The following ZNF446 variants were observed in gnomAD, a reference collection of about 807,000 sequenced individuals.
ZNF446 encodes the protein zinc finger protein with KRAB and SCAN domains 20.
Under a neutral mutation model 34.0 loss-of-function variants are expected in ZNF446, and 42 were observed. The ratio of observed to expected loss-of-function variants is 1.23; its 90% CI spans 0.96 to 1.60. ZNF446 has a LOEUF of 1.60. Among genes scored for constraint, ZNF446 ranks in the 40% most tolerant of loss-of-function variants. The pLI, the probability that ZNF446 is intolerant of heterozygous loss-of-function variation, is 0.00. For synonymous variants in ZNF446, 315 were observed against 251.0 expected (o/e 1.25, Z -2.41); for missense variants, 650 against 600.2 (o/e 1.08, Z -0.87).
chr19:58,479,822 C>T (rs1460755210), intron 5 of ZNF446, 95 bp downstream of exon 5: 2 of 1,451,398 alleles, frequency 1.4e-6, no homozygotes, highest in Non-Finnish European at 9.5e-7. Flanking sequence ...GCTACCAGCC[C>T]TACCCAGCTC....
At position 58,478,119 on chromosome 19, in the gene ZNF446, C is replaced by T; in HGVS notation, c.565C>T (p.Pro189Ser). Residue 189 changes from proline to serine, a missense_variant, in exon 4 of 7, where the codon CCT becomes TCT. By Grantham distance (74) the Pro-to-Ser change is moderately conservative. Transcript: ENST00000594369. The part of the protein sequence containing the change: ...PSSPPLAAQS[P>S]EGNHGHQEPA... ...CAGCCCTCCACTTGCAGCACAGTCC[C>T]CTGAGGGGAACCATGGACACCAAGA... 6.2e-7 allele frequency: 1 copy of T among 1,614,054 alleles called. No individual in the cohort carries two copies. Among genetic ancestry groups the T allele is most frequent in the Non-Finnish European group, 8.5e-7 (1 of 1,179,934 alleles).
the ZNF446 span, among the ~76,000 whole-genome samples, chr19:58,489,425 C>T: frequency 6.6e-6 from 1 of 152,154 alleles, no homozygotes; most frequent in African/African-American, 2.4e-5. Context: ...CCAATCAGCA[C>T]TCCTGGCTCA....
chr19:58,479,577 G>A (rs879223602), intron 4 of ZNF446, 66 bp from the exon 5 acceptor site: 76 of 1,554,534 alleles, frequency 4.9e-5, no homozygotes, highest in Admixed American at 2.0e-4. Context: ...TAATAGGTAA[G>A]AATGTGAACC....
the ZNF446 span, among the ~76,000 whole-genome samples, chr19:58,488,708 G>A: frequency 9.3e-4 from 141 of 151,950 alleles, no homozygotes; most frequent in Non-Finnish European, 1.8e-3. Context: ...AAAATTAGCC[G>A]AGCTTGGTAG....
the ZNF446 span, among the ~76,000 whole-genome samples, chr19:58,486,341 T>TC: frequency 6.6e-6 from 1 of 151,652 alleles, no homozygotes. Context: ...CACCTCGGCC[T>TC]CCCAAAGTGC....
At chr19:58,478,916 C>T (rs377171955) in intron 4 of ZNF446, among the ~76,000 whole-genome samples, 3 of 152,266 alleles carry the variant, frequency 2.0e-5, no homozygotes, top group Non-Finnish European at 4.4e-5. Flanking sequence ...GGGAAATGCC[C>T]GAAGTCCCTT....
At position 58,477,621 on chromosome 19, in the gene ZNF446, T is replaced by TA. The variant is rs1568616778; in HGVS notation, c.343-15dup. 7 of 1,613,552 alleles carry TA rather than the reference T, an allele frequency of 4.3e-6. No individual in the cohort carries two copies. In the Admixed American group the frequency reaches 1.2e-4, roughly 27 times the overall value. On this transcript the variant is annotated splice_polypyrimidine_tract_variant and intron_variant, in intron 2 of 6. Transcript: ENST00000594369. Reference sequence around the variant, plus strand: ...GACCCTGGCTAGAGCCATTGTGACCTACCTCTTCTCCTCAGATCACAGCCC... The same window carrying TA: ...GACCCTGGCTAGAGCCATTGTGACCTAACCTCTTCTCCTCAGATCACAGCCC...
At chr19:58,484,022 T>C (rs2053156196), downstream of ZNF446, among the ~76,000 whole-genome samples, 1 of 152,178 alleles carries the variant, frequency 6.6e-6, no homozygotes, top group African/African-American at 2.4e-5. Context: ...TATAAATTTC[T>C]CAAAATGGGA....
rs767938830 is a variant in ZNF446, at chr19:58,477,572, T to C, written c.342+12T>C. ...AACTGTTGGGCTGGGTGAGTGTGGCTGGCATCAGCTTCTTGGAGGGATAGA... is the reference window on the plus strand; with the variant it reads ...AACTGTTGGGCTGGGTGAGTGTGGCCGGCATCAGCTTCTTGGAGGGATAGA... On this transcript the variant is annotated intron_variant, in intron 2 of 6. Coordinates refer to ENST00000594369, the MANE Select transcript of ZNF446 (RefSeq NM_017908.4). 4 of 1,612,458 alleles carry C rather than the reference T, an allele frequency of 2.5e-6. No individual in the cohort carries two copies. The South Asian group carries it at 3.3e-5, about 13-fold the overall frequency.
Position 58,477,496 on chromosome 19 carries a change from G to C in ZNF446, c.278G>C (p.Ser93Thr). ...TGGGTGCGCGGTCAGCGGCCAGGCA[G>C]TCCTGAGGAGGCCGCTGCCCTAGTC... is the stretch of plus-strand genomic sequence containing the variant. ...QAWVRGQRPG[S>T]PEEAAALVEG... The change falls in exon 2 of 7, where the codon AGT becomes ACT. Residue 93 changes from serine to threonine, a missense_variant. By Grantham distance (58) the Ser-to-Thr change is moderately conservative (BLOSUM62 1). Coordinates refer to ENST00000594369, the MANE Select transcript of ZNF446 (RefSeq NM_017908.4). 2 of 1,613,424 alleles carry C rather than the reference G, an allele frequency of 1.2e-6. No individual in the cohort carries two copies. Among genetic ancestry groups the C allele is most frequent in the Non-Finnish European group, 1.7e-6 (2 of 1,179,882 alleles).
the ZNF446 span, among the ~76,000 whole-genome samples, chr19:58,489,344 T>C: frequency 6.6e-6 from 1 of 152,314 alleles, no homozygotes; most frequent in African/African-American, 2.4e-5. Context: ...ATGGCTCATC[T>C]GATCTTGTGG....
In ZNF446 at chr19:58,480,575, G is replaced by A. The variant is rs773922865; in HGVS notation, c.1202G>A (p.Gly401Glu). 88 of 1,612,798 alleles carry A rather than the reference G, an allele frequency of 5.5e-5. No individual in the cohort carries two copies. In the Middle Eastern group the frequency reaches 6.6e-4, roughly 12 times the overall value. Residue 401 changes from glycine to glutamate, a missense_variant, in exon 7 of 7, where the codon GGG becomes GAG. Gly to Glu is a moderately conservative substitution (Grantham distance 98). Coordinates refer to ENST00000594369, the MANE Select transcript of ZNF446 (RefSeq NM_017908.4). The surrounding 1 kb of genome is among the most constrained non-coding windows in gnomAD (Gnocchi z 7.2). ...CGGAGTTACCCGTGTGAGGAGTGCG[G>A]GTGCAGCTTCAGCTGGAAGTCGCAG... Reference protein sequence around the residue: ...GPRSYPCEECGCSFSWKSQLV... With the variant: ...GPRSYPCEECECSFSWKSQLV...
At chr19:58,479,242 G>A (rs968228080) in intron 4 of ZNF446, among the ~76,000 whole-genome samples, 1 of 152,108 alleles carries the variant, frequency 6.6e-6, no homozygotes, top group African/African-American at 2.4e-5. Context: ...CACAGCTGCC[G>A]CCTTCCTGCC....
intron 1 of ZNF446, among the ~76,000 whole-genome samples, chr19:58,476,962 C>T (rs957598932): frequency 1.3e-5 from 2 of 152,170 alleles, no homozygotes; most frequent in African/African-American, 2.4e-5. Flanking sequence ...GGACACCTTG[C>T]GTCCAAGCAT....
At chr19:58,478,846 A>T (rs1435096224) in intron 4 of ZNF446, among the ~76,000 whole-genome samples, 2 of 151,956 alleles carry the variant, frequency 1.3e-5, no homozygotes, top group East Asian at 1.9e-4. Flanking sequence ...GGAGGGGAGA[A>T]GATGACCAGC....
chr19:58,482,912 G>C (rs1025304889), downstream of ZNF446, among the ~76,000 whole-genome samples: 1 of 152,236 alleles, frequency 6.6e-6, no homozygotes, highest in Non-Finnish European at 1.5e-5. Context: ...TGCAAGAAAA[G>C]CTGCAGGGGG....
downstream of ZNF446, among the ~76,000 whole-genome samples, chr19:58,481,680 G>A (rs1600013850): frequency 6.6e-6 from 1 of 152,322 alleles, no homozygotes; most frequent in East Asian, 1.9e-4. Flanking sequence ...TTAGTTTTCT[G>A]TTGCTGCTTT....
chr19:58,484,085 CTTA>C (rs1402524717), downstream of ZNF446, among the ~76,000 whole-genome samples: 3 of 151,950 alleles, frequency 2.0e-5, no homozygotes, highest in Admixed American at 6.6e-5. Flanking sequence ...ACAGCAAAAA[CTTA>C]TTGTACAATT....
chr19:58,484,271 TAAAAAAAAAAAA>T (rs34356403), downstream of ZNF446, among the ~76,000 whole-genome samples: 1 of 66,542 alleles, frequency 1.5e-5, no homozygotes, highest in South Asian at 5.3e-4. Context: ...ACCCCATCTC[TAAAAAAAAAAAA>T]AAAAAAAAAA....
Sources: allele counts gnomAD v4.1 joint callset (sites outside exome capture counted in the v4.1 genomes callset), GRCh38; gene constraint gnomAD v4.1.1; non-coding constraint Gnocchi (gnomAD v3.1); transcripts MANE v1.5; gene names NCBI Gene and HGNC (gene_info 2026-07-23, HGNC 2026-07-21).